PCDHA8: variants seen among roughly 807,000 people sequenced by gnomAD.
PCDHA8 encodes the protein protocadherin alpha 8.
Under a neutral mutation model 61.8 loss-of-function variants are expected in PCDHA8, and 53 were observed. The ratio of observed to expected loss-of-function variants is 0.86; its 90% CI spans 0.69 to 1.08. The LOEUF is 1.08. Ranked by LOEUF, PCDHA8 falls within the 50% of genes least tolerant of loss-of-function variation. PCDHA8 has a pLI of 0.00. For synonymous variants in PCDHA8, 618 were observed against 556.6 expected (o/e 1.11, Z -1.55); for missense variants, 1,293 against 1,245.0 (o/e 1.04, Z -0.58).
chr5:140,863,170 A>G (rs1458621286), intron 1 of PCDHA8: 2 of 688,322 alleles, frequency 2.9e-6, no homozygotes, highest in African/African-American at 1.8e-5. Flanking sequence ...GCTGGCGCTG[A>G]CTGCCACCGT....
intron 1 of PCDHA8, among the ~76,000 whole-genome samples, chr5:140,845,577 T>C (rs2150380022): frequency 1.3e-5 from 2 of 149,706 alleles, no homozygotes; most frequent in East Asian, 1.9e-4. Context: ...ATTTCTGGGA[T>C]TGAAATGTGT....
chr5:140,973,582 T>C lies in PCDHA8; in HGVS notation c.2395-5367T>C, dbSNP rs76146918. Among the ~76,000 whole-genome samples the C allele has an allele frequency of 4.6e-3, 708 of 152,364 alleles. 4 individuals are homozygous for C. The highest frequency in any genetic ancestry group is 0.016 in the African/African-American group (685 of 41,596). On this transcript the variant is annotated intron_variant, in intron 1 of 3. Coordinates refer to ENST00000531613, the MANE Select transcript of PCDHA8 (RefSeq NM_018911.3). ...TTTCCTCAATTTTTCTACAGACTGC[T>C]GAGCCAGATGGAATTATGGCTGAGC...
chr5:140,872,286 G>C (rs145153656), intron 1 of PCDHA8, among the ~76,000 whole-genome samples: 7 of 151,974 alleles, frequency 4.6e-5, no homozygotes, highest in Admixed American at 1.3e-4. Flanking sequence ...AAAAAGTTAA[G>C]CCTTGCATTC....
chr5:140,983,059 C>G (rs1325414567), intron 3 of PCDHA8, among the ~76,000 whole-genome samples: 1 of 151,980 alleles, frequency 6.6e-6, no homozygotes, highest in African/African-American at 2.4e-5. Flanking sequence ...TTATCGGAAC[C>G]AAGGCATTGT....
At chr5:140,947,304 T>A (rs1370804451) in intron 1 of PCDHA8, among the ~76,000 whole-genome samples, 1 of 151,606 alleles carries the variant, frequency 6.6e-6, no homozygotes, top group Admixed American at 6.6e-5. Flanking sequence ...CTTGACATCT[T>A]TGTAAAAAGT....
At chr5:140,940,199 A>G (rs1253658459) in intron 1 of PCDHA8, among the ~76,000 whole-genome samples, 2 of 152,136 alleles carry the variant, frequency 1.3e-5, no homozygotes, top group Non-Finnish European at 2.9e-5. Flanking sequence ...CATGGGTGTA[A>G]AATTCAAGAT....
At position 140,841,953 on chromosome 5, in the gene PCDHA8, T is replaced by A; in HGVS notation, c.632T>A (p.Phe211Tyr). 6.2e-7 allele frequency: 1 copy of A among 1,613,834 alleles called. No homozygotes were observed. Among genetic ancestry groups the A allele is most frequent in the Non-Finnish European group, 8.5e-7 (1 of 1,179,850 alleles). The change falls in exon 1 of 4, where the codon TTC (phenylalanine) becomes TAC (tyrosine). Residue 211 changes from phenylalanine (F) to tyrosine (Y), a missense_variant. Physicochemically the swap from Phe to Tyr is conservative, Grantham distance 22. Coordinates refer to ENST00000531613, the MANE Select transcript of PCDHA8 (RefSeq NM_018911.3). ...DREDAPAHHL[F>Y]LTATDGGKPE... ...GAGGACGCTCCTGCGCACCACTTAT[T>A]CCTGACAGCCACAGATGGGGGCAAA...
intron 1 of PCDHA8, chr5:140,876,828 G>T: frequency 1.2e-6 from 2 of 1,614,170 alleles, no homozygotes; most frequent in Non-Finnish European, 1.7e-6. Context: ...ACGACAATGC[G>T]CCTGCGTTCG....
intron 1 of PCDHA8, chr5:140,854,181 AGTTT>A (rs1554147112): frequency 9.2e-6 from 4 of 434,258 alleles, no homozygotes; most frequent in Non-Finnish European, 1.2e-5. Flanking sequence ...AAAAAAGAGT[AGTTT>A]AACTACTCCC....
At chr5:140,929,690 C>A in intron 1 of PCDHA8, 1 of 278,482 alleles carries the variant, frequency 3.6e-6, no homozygotes, top group Non-Finnish European at 7.0e-6. Flanking sequence ...TAAGAGTCTG[C>A]TTTATATGAA....
intron 3 of PCDHA8, among the ~76,000 whole-genome samples, chr5:141,006,271 G>T (rs2098264486): frequency 6.6e-6 from 1 of 151,918 alleles, no homozygotes; most frequent in Non-Finnish European, 1.5e-5. Context: ...GACTGCAGTG[G>T]CACGATCTCA....
intron 1 of PCDHA8, chr5:140,870,533 C>T (rs1185177447): frequency 1.2e-6 from 2 of 1,614,050 alleles, no homozygotes; most frequent in East Asian, 2.2e-5. Flanking sequence ...TTCACAGTGT[C>T]GGCGCGGGAC....
At chr5:140,851,790 T>A in intron 1 of PCDHA8, 1 of 955,904 alleles carries the variant, frequency 1.0e-6, no homozygotes, top group Non-Finnish European at 1.3e-6. Context: ...GAGAATTCAC[T>A]TGTTCTGTCA....
chr5:140,971,000 T>G (rs1409787417), intron 1 of PCDHA8, among the ~76,000 whole-genome samples: 2 of 152,196 alleles, frequency 1.3e-5, no homozygotes, highest in African/African-American at 4.8e-5. Flanking sequence ...ATCAAAGAGT[T>G]TCCAGAAGTC....
At chr5:140,912,125 T>C (rs1197015933) in intron 1 of PCDHA8, among the ~76,000 whole-genome samples, 1 of 152,160 alleles carries the variant, frequency 6.6e-6, no homozygotes, top group East Asian at 1.9e-4. Flanking sequence ...GCTAAGTCAG[T>C]CTAATCTCTC....
chr5:140,888,754 C>CT lies in PCDHA8; in HGVS notation c.2394+45049dup, dbSNP rs782694187. Reference sequence around the variant, plus strand: ...TGAGCTCTAGGAATTATTCTACCCACTTTTTTTTTTAATTTTGAAGGGATA... The same window carrying CT: ...TGAGCTCTAGGAATTATTCTACCCACTTTTTTTTTTTAATTTTGAAGGGATA... On this transcript the variant is annotated intron_variant, in intron 1 of 3. Transcript: ENST00000531613. 7.0e-3 allele frequency among the ~76,000 whole-genome samples: 1,040 copies of CT among 148,666 alleles called. 3 individuals are homozygous for CT. The highest frequency in any genetic ancestry group is 0.038 in the Middle Eastern group (11 of 290).
intron 3 of PCDHA8, among the ~76,000 whole-genome samples, chr5:140,986,408 C>G (rs1587158509): frequency 6.6e-6 from 1 of 152,176 alleles, no homozygotes; most frequent in East Asian, 1.9e-4. Context: ...GCTCATGTTA[C>G]AGCTCTTTTT....
At chr5:140,962,564 G>A (rs1224952009) in intron 1 of PCDHA8, among the ~76,000 whole-genome samples, 2 of 152,124 alleles carry the variant, frequency 1.3e-5, no homozygotes, top group Non-Finnish European at 2.9e-5. Context: ...CCCCCTAAAA[G>A]CCAATTGTTA....
intron 1 of PCDHA8, among the ~76,000 whole-genome samples, chr5:140,950,025 T>C (rs907309880): frequency 6.6e-6 from 1 of 151,922 alleles, no homozygotes; most frequent in East Asian, 1.9e-4. Context: ...TCATAAAATA[T>C]AGAAAAGTTA....
Sources: gnomAD v4.1 joint callset for allele counts (sites outside exome capture counted in the v4.1 genomes callset) on GRCh38, gnomAD v4.1.1 for gene constraint, MANE v1.5 for transcripts, NCBI Gene and HGNC (gene_info 2026-07-23, HGNC 2026-07-21) for gene names.